The following DCC variants were observed in gnomAD, a reference collection of about 807,000 sequenced individuals.
The protein encoded by DCC is DCC netrin 1 receptor, also known as netrin receptor DCC.
Under a neutral mutation model 172.5 loss-of-function variants are expected in DCC, and 58 were observed. The observed-to-expected ratio is 0.34, with a 90% confidence interval of 0.27 to 0.42. The LOEUF (loss-of-function observed/expected upper bound fraction) is 0.42. DCC is among the 10% of genes least tolerant of loss of function. The probability of loss-of-function intolerance (pLI) is 1.00; values close to 1 mark genes in which losing one functional copy is unlikely to be tolerated. For missense variants in DCC, 1,740 were observed against 1,791.0 expected, an observed-to-expected ratio of 0.97 and a Z score of 0.51; for synonymous variants, 709 against 644.5, an observed-to-expected ratio of 1.10 and a Z score of -1.52.
intron 20 of DCC, among the ~76,000 whole-genome samples, chr18:53,414,049 A>C (rs1453617881): frequency 6.6e-6 from 1 of 152,214 alleles, no homozygotes; most frequent in African/African-American, 2.4e-5. Flanking sequence ...AATGTATTTG[A>C]GAAGCCATTA....
chr18:52,402,277 A>T (rs368185351), intron 1 of DCC, among the ~76,000 whole-genome samples: 1 of 152,008 alleles, frequency 6.6e-6, no homozygotes, highest in African/African-American at 2.4e-5. Flanking sequence ...TGGATTTAAA[A>T]CTGCATCTGG....
intron 2 of DCC, among the ~76,000 whole-genome samples, chr18:52,802,305 G>A (rs188623676): frequency 2.0e-5 from 3 of 152,138 alleles, no homozygotes; most frequent in Admixed American, 2.0e-4. Context: ...GCAATCTGGA[G>A]GAGAGTTTTG....
intron 1 of DCC, among the ~76,000 whole-genome samples, chr18:52,403,460 A>G (rs1332850567): frequency 1.3e-5 from 2 of 152,040 alleles, no homozygotes; most frequent in East Asian, 1.9e-4. Flanking sequence ...CCTGATTAAC[A>G]GCCCAATTGT....
intron 1 of DCC, among the ~76,000 whole-genome samples, chr18:52,678,007 T>C (rs1214980529): frequency 6.6e-6 from 1 of 152,196 alleles, no homozygotes; most frequent in African/African-American, 2.4e-5. Flanking sequence ...TTATTGCGTG[T>C]ATTACCTTCC....
intron 2 of DCC, among the ~76,000 whole-genome samples, chr18:52,843,750 T>C (rs2038843019): frequency 6.6e-6 from 1 of 152,204 alleles, no homozygotes; most frequent in South Asian, 2.1e-4. Flanking sequence ...CTGGTCATAA[T>C]TGTGTCAACT....
intron 1 of DCC, among the ~76,000 whole-genome samples, chr18:52,558,668 A>G (rs1182816463): frequency 2.0e-5 from 3 of 152,152 alleles, no homozygotes; most frequent in Admixed American, 1.3e-4. Flanking sequence ...AAAGACAGGC[A>G]TCAGGTCAGT....
At chr18:52,591,779 A>C (rs867540784) in intron 1 of DCC, among the ~76,000 whole-genome samples, 18 of 122,414 alleles carry the variant, frequency 1.5e-4, no homozygotes, top group African/African-American at 3.6e-4. Context: ...TTCTTTCTTT[A>C]TTTATTTCTT....
intron 21 of DCC, among the ~76,000 whole-genome samples, chr18:53,431,278 C>CTT (rs58102356): frequency 0.046 from 4,404 of 96,224 alleles, 236 homozygotes; most frequent in African/African-American, 0.13. Context: ...TTGGCAGAAG[C>CTT]TTTTTTTTTT....
intron 2 of DCC, among the ~76,000 whole-genome samples, chr18:52,891,461 C>T (rs1170908856): frequency 6.6e-6 from 1 of 152,058 alleles, no homozygotes; most frequent in African/African-American, 2.4e-5. Context: ...CATAGAATCA[C>T]AAAGTAATGT....
intron 5 of DCC, among the ~76,000 whole-genome samples, chr18:52,985,574 T>C (rs992668719): frequency 4.6e-5 from 7 of 152,140 alleles, no homozygotes; most frequent in Admixed American, 1.3e-4. Flanking sequence ...TAACAACCAC[T>C]GTATTCTAAT....
rs534911287 is a variant in DCC at position 53,042,248 on chromosome 18, A to T, written c.986-21057A>T. Among the ~76,000 whole-genome samples, 15 of 152,138 alleles carry T rather than the reference A, an allele frequency of 9.9e-5. No individual in the cohort carries two copies. The East Asian group carries it at 2.5e-3, about 26-fold the overall frequency. On this transcript the variant is annotated intron_variant, in intron 5 of 28. Coordinates refer to ENST00000442544, the MANE Select transcript of DCC (RefSeq NM_005215.4). ...GAATTTTATCAAAGGCCTTTTCAGC[A>T]TCTATTGAGATAATCATGTGGTTTT... is the stretch of plus-strand genomic sequence containing the variant.
At chr18:52,782,338 G>C (rs557853222) in intron 2 of DCC, among the ~76,000 whole-genome samples, 1 of 152,052 alleles carries the variant, frequency 6.6e-6, no homozygotes, top group East Asian at 1.9e-4. Context: ...TGTAGCATCC[G>C]CTTTGAACTA....
chr18:52,639,328 A>C (rs2034846176), intron 1 of DCC, among the ~76,000 whole-genome samples: 1 of 152,110 alleles, frequency 6.6e-6, no homozygotes, highest in Non-Finnish European at 1.5e-5. Flanking sequence ...GATTTAAATG[A>C]AATTGAAACA....
intron 1 of DCC, among the ~76,000 whole-genome samples, chr18:52,503,684 A>T (rs2031117583): frequency 6.6e-6 from 1 of 152,068 alleles, no homozygotes; most frequent in African/African-American, 2.4e-5. Flanking sequence ...TCTCATGCTC[A>T]TCTGAATCTT....
chr18:53,213,228 A>G (rs552295376), intron 11 of DCC, among the ~76,000 whole-genome samples: 3 of 152,344 alleles, frequency 2.0e-5, no homozygotes, highest in East Asian at 3.9e-4. Flanking sequence ...TCAAAAATTC[A>G]GTTAGTAATT....
At chr18:53,065,743 A>C (rs931631258) in intron 6 of DCC, among the ~76,000 whole-genome samples, 1 of 152,178 alleles carries the variant, frequency 6.6e-6, no homozygotes, top group Non-Finnish European at 1.5e-5. Flanking sequence ...TGCTTCTATA[A>C]TTAATAAAAT....
At chr18:53,054,144 A>T (rs2042371079) in intron 5 of DCC, among the ~76,000 whole-genome samples, 1 of 152,092 alleles carries the variant, frequency 6.6e-6, no homozygotes, top group African/African-American at 2.4e-5. Flanking sequence ...GATTACTCAT[A>T]CTTAATGCAG....
intron 5 of DCC, among the ~76,000 whole-genome samples, chr18:53,017,705 T>C (rs896685891): frequency 6.6e-6 from 1 of 152,176 alleles, no homozygotes; most frequent in African/African-American, 2.4e-5. Flanking sequence ...TAGATGTAAT[T>C]TTCTAAAATA....
intron 12 of DCC, among the ~76,000 whole-genome samples, chr18:53,300,997 T>TTCTTTCTTTCTTTCTTTCTTTC (rs2057133034): frequency 1.6e-4 from 2 of 12,224 alleles, no homozygotes; most frequent in East Asian, 1.7e-3. Flanking sequence ...TTCTTTTTTT[T>TTCTTTCTTTCTTTCTTTCTTTC]TCTTTTCTTT....
Sources: gnomAD v4.1 joint callset for allele counts (sites outside exome capture counted in the v4.1 genomes callset) on GRCh38, gnomAD v4.1.1 for gene constraint, MANE v1.5 for transcripts, NCBI Gene and HGNC (gene_info 2026-07-23, HGNC 2026-07-21) for gene names.